SPATA6L: variants seen among roughly 807,000 people sequenced by gnomAD.
SPATA6L encodes the protein spermatogenesis associated 6-like protein.
Under a neutral mutation model 49.2 loss-of-function variants are expected in SPATA6L, and 68 were observed. The ratio of observed to expected loss-of-function variants is 1.38; its 90% CI spans 1.14 to 1.69. SPATA6L has a LOEUF of 1.69. SPATA6L is among the 40% of genes most tolerant of loss of function. SPATA6L has a pLI of 0.00. For missense variants in SPATA6L, 668 were observed against 464.3 expected (o/e 1.44, Z -4.03); for synonymous variants, 198 against 165.7 (o/e 1.19, Z -1.50).
chr9:4,615,703 A>G (rs1827821280), intron 9 of SPATA6L, among the ~76,000 whole-genome samples: 1 of 152,150 alleles, frequency 6.6e-6, no homozygotes, highest in Middle Eastern at 3.2e-3. Flanking sequence ...ACAAGGGGGT[A>G]TGTCTGCCTT....
At chr9:4,614,838 C>A (rs1454872129) in intron 9 of SPATA6L, among the ~76,000 whole-genome samples, 4 of 152,146 alleles carry the variant, frequency 2.6e-5, no homozygotes, top group African/African-American at 9.7e-5. Context: ...ACTTTGGGCA[C>A]AAAGAATTTG....
intron 9 of SPATA6L, among the ~76,000 whole-genome samples, chr9:4,607,690 A>T (rs965069641): frequency 8.7e-4 from 132 of 152,334 alleles, no homozygotes; most frequent in African/African-American, 3.0e-3. Context: ...CTGCAAAATC[A>T]TGCCAAAATG....
At chr9:4,610,954 A>G (rs1458179521) in intron 9 of SPATA6L, among the ~76,000 whole-genome samples, 39 of 147,972 alleles carry the variant, frequency 2.6e-4, no homozygotes, top group Non-Finnish European at 5.4e-4. Context: ...TTTACAAGAA[A>G]AAAACAAACA....
At chr9:4,661,749 T>TGCGACTGCGGTTTTGCTTCAAGG (rs1554615825) in intron 2 of SPATA6L, 150 bp downstream of exon 2, 33 of 800,126 alleles carry the variant, frequency 4.1e-5, no homozygotes, top group African/African-American at 3.8e-4. Context: ...AAGCAAGTGT[T>TGCGACTGCGGTTTTGCTTCAAGG]CCGACTGCGG....
rs567386236 is a variant in SPATA6L at position 4,648,449 on chromosome 9, C to T, written c.226+7592G>A. Among the ~76,000 whole-genome samples, 28 of 152,190 alleles carry T rather than the reference C, an allele frequency of 1.8e-4. No individual in the cohort carries two copies. In the East Asian group the frequency reaches 4.9e-3, roughly 26 times the overall value. On this transcript the variant is annotated intron_variant, in intron 3 of 11. Coordinates refer to ENST00000682582, the MANE Select transcript of SPATA6L (RefSeq NM_001353486.2). Reference sequence around the variant, plus strand: ...GCACCGTGGCTCACGCCTGTAATCCCAGCACTTTGGGAGGCCGAGGCGGGC... The same window carrying T: ...GCACCGTGGCTCACGCCTGTAATCCTAGCACTTTGGGAGGCCGAGGCGGGC...
At chr9:4,630,893 A>T (rs898282132) in intron 4 of SPATA6L, among the ~76,000 whole-genome samples, 1 of 152,244 alleles carries the variant, frequency 6.6e-6, no homozygotes, top group Non-Finnish European at 1.5e-5. Flanking sequence ...ACTAAGGCAC[A>T]AAGAGATTAA....
In SPATA6L at chr9:4,666,098, G is replaced by C. The variant is rs977747566; in HGVS notation, c.39+114C>G. On this transcript the variant is annotated intron_variant, in intron 1 of 11. Coordinates refer to ENST00000682582, the MANE Select transcript of SPATA6L (RefSeq NM_001353486.2). ...GACAAAGGTGCGATCTGTCCCAGAAGATAATGATGTGTTTGTGGTAAGTGG... is the reference window on the plus strand; with the variant it reads ...GACAAAGGTGCGATCTGTCCCAGAACATAATGATGTGTTTGTGGTAAGTGG... 2.6e-5 allele frequency: 24 copies of C among 936,770 alleles called. 1 individual carries two copies. The Admixed American group carries it at 3.8e-4, about 15-fold the overall frequency. 58.0% of individuals were successfully genotyped at this position (936,770 alleles called of 1,614,324 possible).
At position 4,625,342 on chromosome 9, in the gene SPATA6L, T is replaced by C. The variant is rs757822439; in HGVS notation, c.654A>G (p.Pro218=). ...TTAGGCTCACGTGTCTAACAACAAA[T>C]GGAGGCTTGCTTCCTCCAGAGATTT... ...NFKISGGSKP[P]FVVRHVDSAK... The change falls in exon 6 of 12, where the codon CCA becomes CCG. Residue 218 remains proline, a synonymous_variant. Coordinates refer to ENST00000682582, the MANE Select transcript of SPATA6L (RefSeq NM_001353486.2). The C allele has an allele frequency of 6.2e-7, 1 of 1,613,626 alleles. No homozygotes were observed. Among genetic ancestry groups the C allele is most frequent in the Non-Finnish European group, 8.5e-7 (1 of 1,179,792 alleles).
intron 7 of SPATA6L, among the ~76,000 whole-genome samples, chr9:4,620,132 C>T (rs1041776801): frequency 1.3e-5 from 2 of 152,154 alleles, no homozygotes; most frequent in African/African-American, 4.8e-5. Flanking sequence ...TCTCTCCCAC[C>T]CCCAGCTGGG....
Position 4,662,083 on chromosome 9 carries a change from G to T in SPATA6L, c.40-47C>A. Reference sequence around the variant, plus strand: ...AAACAAGGGAGAGAAAACAGACTTTGCTTTGTTTTGTTACACGGGGCTCTA... The same window carrying T: ...AAACAAGGGAGAGAAAACAGACTTTTCTTTGTTTTGTTACACGGGGCTCTA... On this transcript the variant is annotated intron_variant, in intron 1 of 11. Transcript: ENST00000682582. The surrounding 1 kb of genome is among the most constrained non-coding windows in gnomAD (Gnocchi z 4.9). 1.9e-6 allele frequency: 3 copies of T among 1,602,298 alleles called. No homozygotes were observed. The highest frequency in any genetic ancestry group is 2.6e-6 in the Non-Finnish European group (3 of 1,173,906).
In SPATA6L at chr9:4,646,427, G is replaced by T. The variant is rs148530104; in HGVS notation, c.226+9614C>A. ...TTAAGTACAGTCCCCATTTTGACAG[G>T]CCAAATTTATTTTAAAATCATATTA... On this transcript the variant is annotated intron_variant, in intron 3 of 11. Transcript: ENST00000682582. 5 of 1,265,670 alleles carry T rather than the reference G, an allele frequency of 4.0e-6. No individual in the cohort carries two copies. The South Asian group carries it at 4.8e-5, about 12-fold the overall frequency. 78.4% of individuals were successfully genotyped at this position (1,265,670 alleles called of 1,614,324 possible).
intron 3 of SPATA6L, among the ~76,000 whole-genome samples, chr9:4,639,673 A>C (rs1267755881): frequency 6.6e-6 from 1 of 152,204 alleles, no homozygotes; most frequent in African/African-American, 2.4e-5. Flanking sequence ...GAAAGAACTC[A>C]ATGTTCTTCT....
chr9:4,637,737 C>T (rs913998647), intron 3 of SPATA6L, among the ~76,000 whole-genome samples: 1 of 150,164 alleles, frequency 6.7e-6, no homozygotes, highest in African/African-American at 2.5e-5. Context: ...TGTAGAACAA[C>T]ACTTGGGACA....
intron 3 of SPATA6L, among the ~76,000 whole-genome samples, chr9:4,650,957 C>T (rs565488): frequency 0.099 from 15,119 of 152,056 alleles, 929 homozygotes; most frequent in African/African-American, 0.17. Context: ...TCGCCTTGGC[C>T]TCCCAAAATG....
At chr9:4,606,728 G>C (rs546967035) in intron 9 of SPATA6L, among the ~76,000 whole-genome samples, 2 of 144,672 alleles carry the variant, frequency 1.4e-5, no homozygotes, top group African/African-American at 5.3e-5. Context: ...ACTCTAAAAA[G>C]CAGAGCGCCT....
intron 11 of SPATA6L, among the ~76,000 whole-genome samples, chr9:4,603,006 G>A (rs115206064): frequency 3.0e-3 from 457 of 152,252 alleles, no homozygotes; most frequent in African/African-American, 0.01. Flanking sequence ...GGGCTTGAAT[G>A]GAAAAGAAAA....
In SPATA6L at chr9:4,645,938, C is replaced by T. The variant is rs111823461; in HGVS notation, c.226+10103G>A. Among the ~76,000 whole-genome samples the T allele has an allele frequency of 7.4e-3, 1,121 of 152,080 alleles. 8 individuals carry two copies. Among genetic ancestry groups the T allele is most frequent in the African/African-American group, 0.025 (1,050 of 41,478 alleles). ...ATGGCTGTCCAATCTTATGAACATA[C>T]GAAAACCAACTGAATTGTACATTTG... On this transcript the variant is annotated intron_variant, in intron 3 of 11. Transcript: ENST00000682582.
intron 3 of SPATA6L, among the ~76,000 whole-genome samples, chr9:4,649,159 A>G (rs1463695867): frequency 1.3e-5 from 2 of 152,118 alleles, no homozygotes; most frequent in African/African-American, 4.8e-5. Context: ...CATTTTTGCA[A>G]TTGCAAATTG....
chr9:4,663,606 C>G (rs988340870), intron 1 of SPATA6L: 3 of 256,824 alleles, frequency 1.2e-5, no homozygotes, highest in Non-Finnish European at 2.4e-5. Flanking sequence ...TTGTGATAAT[C>G]CCTAAATCAA....
Sources: gnomAD v4.1 joint callset for allele counts (sites outside exome capture counted in the v4.1 genomes callset) on GRCh38, gnomAD v4.1.1 for gene constraint, Gnocchi (gnomAD v3.1) non-coding constraint, MANE v1.5 for transcripts, NCBI Gene and HGNC (gene_info 2026-07-23, HGNC 2026-07-21) for gene names.